Variants in SYNE3 observed in about 807,000 individuals in gnomAD.
SYNE3 encodes nesprin-3.
In SYNE3, 100 loss-of-function variants were observed where a neutral mutation model predicts 111.2. The ratio of observed to expected loss-of-function variants is 0.90; its 90% CI spans 0.77 to 1.06. The LOEUF (loss-of-function observed/expected upper bound fraction) is 1.06. SYNE3 is among the 50% of genes least tolerant of loss of function. The pLI, the probability that SYNE3 is intolerant of heterozygous loss-of-function variation, is 0.00. For missense variants in SYNE3, 1,160 were observed against 1,240.3 expected, an observed-to-expected ratio of 0.94 and a Z score of 0.97; for synonymous variants, 547 against 533.9, an observed-to-expected ratio of 1.02 and a Z score of -0.34.
At chr14:95,503,739 CT>C in intron 1 of SYNE3, among the ~76,000 whole-genome samples, 1 of 151,384 alleles carries the variant, frequency 6.6e-6, no homozygotes, top group East Asian at 1.9e-4. Flanking sequence ...CTGCCTCCAC[CT>C]ATCGAGTAGC....
At chr14:95,436,069 G>A (rs2139382265) in intron 15 of SYNE3, among the ~76,000 whole-genome samples, 1 of 152,258 alleles carries the variant, frequency 6.6e-6, no homozygotes, top group South Asian at 2.1e-4. Context: ...AAGAAGACAG[G>A]AGAGAAGTAG....
rs201858725 is a variant in SYNE3, at chr14:95,475,681, G to C, written c.141C>G (p.Thr47=). The C allele has an allele frequency of 1.9e-6, 3 of 1,555,108 alleles. No individual in the cohort carries two copies. The highest frequency in any genetic ancestry group is 2.6e-6 in the Non-Finnish European group (3 of 1,154,262). ...CTGAGGCCACGCCTCTGCATACCTC[G>C]GTCTCCCACAGCCTGGCCTCCAGGG... ...RAALEARLWE[T]EKICQLEPEG... Residue 47 remains threonine, a synonymous_variant, in exon 2 of 18, where the codon ACC becomes ACG. Coordinates refer to ENST00000682763, the MANE Select transcript of SYNE3 (RefSeq NM_152592.6).
intron 1 of SYNE3, among the ~76,000 whole-genome samples, chr14:95,497,789 A>G (rs898332180): frequency 2.0e-5 from 3 of 152,218 alleles, no homozygotes; most frequent in Non-Finnish European, 4.4e-5. Flanking sequence ...TTACAAAAAC[A>G]GGTGGCATTT....
intron 15 of SYNE3, among the ~76,000 whole-genome samples, chr14:95,435,078 C>T (rs1470308759): frequency 1.3e-5 from 2 of 152,096 alleles, no homozygotes; most frequent in African/African-American, 4.8e-5. Context: ...ACAACAGAAA[C>T]ATTCATAAAA....
Position 95,515,263 on chromosome 14 carries a change from G to C in SYNE3, c.-15+1333C>G, listed in dbSNP as rs980832639. 1.2e-4 allele frequency among the ~76,000 whole-genome samples: 19 copies of C among 152,360 alleles called. No homozygotes were observed. In the East Asian group the frequency reaches 2.9e-3, roughly 23 times the overall value. On this transcript the variant is annotated intron_variant, in intron 1 of 17. Transcript: ENST00000682763. Reference sequence around the variant, plus strand: ...GCACAGCTGTGGCTGTCAGCCTGCCGAGCACCGTCCGGCCTGAGGAATGTG... The same window carrying C: ...GCACAGCTGTGGCTGTCAGCCTGCCCAGCACCGTCCGGCCTGAGGAATGTG...
chr14:95,504,818 C>G (rs904433546), intron 1 of SYNE3, among the ~76,000 whole-genome samples: 15 of 127,176 alleles, frequency 1.2e-4, no homozygotes, highest in Admixed American at 8.5e-4. Flanking sequence ...CCACCTCTAT[C>G]TAAAAAAAAA....
chr14:95,482,270 C>T (rs1016741497), intron 1 of SYNE3, among the ~76,000 whole-genome samples: 1 of 152,122 alleles, frequency 6.6e-6, no homozygotes, highest in Non-Finnish European at 1.5e-5. Context: ...CCTGTCTCTA[C>T]TAAAAATACA....
rs1429089256 is a variant in SYNE3, at chr14:95,439,185, G to T, written c.2247-23C>A. 3 of 1,614,070 alleles carry T rather than the reference G, an allele frequency of 1.9e-6. No individual in the cohort carries two copies. In the South Asian group the frequency reaches 3.3e-5, roughly 18 times the overall value. Reference sequence around the variant, plus strand: ...AGGCTGAGAAGACAAACTCAGCCCAGTCAATGCAGAGATGTGGTGGGGACC... The same window carrying T: ...AGGCTGAGAAGACAAACTCAGCCCATTCAATGCAGAGATGTGGTGGGGACC... On this transcript the variant is annotated intron_variant, in intron 13 of 17. Transcript: ENST00000682763.
rs1039182099 is a variant in SYNE3, at chr14:95,415,260, G to C, written c.*2566C>G. 1 of 151,626 alleles carries C rather than the reference G, an allele frequency of 6.6e-6. No homozygotes were observed. The highest frequency in any genetic ancestry group is 6.6e-5 in the Admixed American group (1 of 15,192). The allele number at this position is 151,626 out of a possible 1,614,324, so 9.4% of individuals were successfully genotyped here. A position where few individuals can be genotyped will look rare whatever the true frequency, so the allele number is the denominator to read the frequency against. The stretch of plus-strand genomic sequence containing the variant: ...GCTTTCTCACCTGTGACATAGGAAA[G>C]TGGACACCTGGCAAGGCCCCCCCAC... On this transcript the variant is annotated 3_prime_UTR_variant, in exon 18 of 18. Coordinates refer to ENST00000682763, the MANE Select transcript of SYNE3 (RefSeq NM_152592.6).
intron 11 of SYNE3, among the ~76,000 whole-genome samples, chr14:95,440,678 G>T (rs1417246012): frequency 1.3e-5 from 2 of 152,196 alleles, no homozygotes; most frequent in African/African-American, 4.8e-5. Context: ...AGGCACAAAA[G>T]AAAACATTCT....
Position 95,444,575 on chromosome 14 carries a change from C to T in SYNE3, c.1686G>A (p.Arg562=). ...CCCTGACCTGGAGGTCCAAGAGCTT[C>T]CTCTGCAGGGGCTCAAAAGCTGCTC... is the stretch of plus-strand genomic sequence containing the variant. ...DFGAAFEPLQ[R]KLLDLQVRVQ... The change falls in exon 10 of 18, where the codon AGG becomes AGA. Residue 562 remains arginine (R), a synonymous_variant. Coordinates refer to ENST00000682763, the MANE Select transcript of SYNE3 (RefSeq NM_152592.6). The T allele has an allele frequency of 6.2e-7, 1 of 1,613,372 alleles. No homozygotes were observed. Among genetic ancestry groups the T allele is most frequent in the South Asian group, 1.1e-5 (1 of 91,054 alleles).
rs1367247171 is a variant in SYNE3 at position 95,466,139 on chromosome 14, A to T, written c.419T>A (p.Ile140Asn). 1.9e-6 allele frequency: 3 copies of T among 1,611,972 alleles called. No homozygotes were observed. The African/African-American group carries it at 4.0e-5, about 22-fold the overall frequency. ...CTCCTTCAGGCCCAGCTGGAGCTCG[A>T]TGTGGGGCTCCAGTGTGACCATCAT... The part of the protein sequence containing the change: ...QKMMVTLEPH[I>N]ELQLGLKEKQ... Residue 140 changes from isoleucine (I) to asparagine (N), a missense_variant, in exon 4 of 18, where the codon ATC becomes AAC. Physicochemically the swap from Ile to Asn is moderately radical, Grantham distance 149. Coordinates refer to ENST00000682763, the MANE Select transcript of SYNE3 (RefSeq NM_152592.6).
At chr14:95,461,973 T>C (rs564313048) in intron 4 of SYNE3, among the ~76,000 whole-genome samples, 4 of 152,200 alleles carry the variant, frequency 2.6e-5, no homozygotes, top group Non-Finnish European at 5.9e-5. Flanking sequence ...TGCCGGGGGC[T>C]GCATCCCACC....
At position 95,443,214 on chromosome 14, in the gene SYNE3, G is replaced by A. The variant is rs770496775; in HGVS notation, c.1852C>T (p.His618Tyr). The change falls in exon 11 of 18, where the codon CAC becomes TAC. Residue 618 changes from histidine to tyrosine, a missense_variant. Physicochemically the swap from His to Tyr is moderately conservative, Grantham distance 83 (BLOSUM62 2). Coordinates refer to ENST00000682763, the MANE Select transcript of SYNE3 (RefSeq NM_152592.6). ...GAAAGCTGGTCCATTTTGTGCTGGT[G>A]GTTGGGGTTCTCCTGGACCAGAGGC... ...ARPLVQENPN[H>Y]QHKMDQLSSD... The A allele has an allele frequency of 6.2e-7, 1 of 1,614,218 alleles. No individual in the cohort carries two copies. Among genetic ancestry groups the A allele is most frequent in the Non-Finnish European group, 8.5e-7 (1 of 1,180,034 alleles).
rs1014452651 is a variant in SYNE3 at position 95,485,489 on chromosome 14, C to CGACCAAAGACAG, written c.-14-9666_-14-9655dup. 6.6e-6 allele frequency among the ~76,000 whole-genome samples: 1 copy of CGACCAAAGACAG among 152,130 alleles called. No individual in the cohort carries two copies. The highest frequency in any genetic ancestry group is 1.5e-5 in the Non-Finnish European group (1 of 68,012). On this transcript the variant is annotated intron_variant, in intron 1 of 17. Transcript: ENST00000682763. This position sits in a 1 kb window ranked among gnomAD's most constrained non-coding sequence, Gnocchi z 4.3. Reference sequence around the variant, plus strand: ...TAAACTGAGAGAGTCGGCTGCTCCCCGACCAAAGACAGGACGCCCTAACCT... The same window carrying CGACCAAAGACAG: ...TAAACTGAGAGAGTCGGCTGCTCCCCGACCAAAGACAGGACCAAAGACAGGACGCCCTAACCT...
intron 17 of SYNE3, among the ~76,000 whole-genome samples, chr14:95,418,250 GA>G (rs1436553908): frequency 1.3e-5 from 2 of 152,216 alleles, no homozygotes; most frequent in South Asian, 2.1e-4. Context: ...AGGAAGAATA[GA>G]AAACACAGTT....
At chr14:95,499,162 A>G (rs1268416378) in intron 1 of SYNE3, among the ~76,000 whole-genome samples, 1 of 152,198 alleles carries the variant, frequency 6.6e-6, no homozygotes, top group Non-Finnish European at 1.5e-5. Flanking sequence ...CTTAGGCACG[A>G]GGATGTTTCC....
chr14:95,502,990 A>G (rs1176243361), intron 1 of SYNE3, among the ~76,000 whole-genome samples: 1 of 152,238 alleles, frequency 6.6e-6, no homozygotes, highest in African/African-American at 2.4e-5. Context: ...AGGCCCCCCA[A>G]ACAATGCTGG....
chr14:95,429,123 C>T (rs749746488), intron 17 of SYNE3, among the ~76,000 whole-genome samples: 13 of 152,242 alleles, frequency 8.5e-5, no homozygotes, highest in Non-Finnish European at 1.3e-4. Context: ...GAATCACGCA[C>T]ACACCAAAGC....
Sources: allele counts gnomAD v4.1 joint callset (sites outside exome capture counted in the v4.1 genomes callset), GRCh38; gene constraint gnomAD v4.1.1; non-coding constraint Gnocchi (gnomAD v3.1); transcripts MANE v1.5; gene names NCBI Gene and HGNC (gene_info 2026-07-23, HGNC 2026-07-21).